Variants in SP100 observed in about 807,000 individuals in gnomAD.
The protein encoded by SP100 is SP100 nuclear body protein, also known as nuclear autoantigen Sp-100.
A neutral mutation model predicts 130.0 loss-of-function variants in SP100; 84 were observed. The ratio of observed to expected loss-of-function variants is 0.65; its 90% confidence interval spans 0.54 to 0.77. SP100 has a LOEUF of 0.77. Ranked by LOEUF, SP100 falls within the 30% of genes least tolerant of loss-of-function variation. The probability of loss-of-function intolerance (pLI) is 0.00; values close to 1 mark genes in which losing one functional copy is unlikely to be tolerated. For missense variants in SP100, 978 were observed against 1,052.2 expected, an observed-to-expected ratio of 0.93 and a Z score of 0.97; for synonymous variants, 331 against 351.7, an observed-to-expected ratio of 0.94 and a Z score of 0.66.
chr2:230,510,989 A>C, intron 23 of SP100, 136 bp from the exon 24 acceptor site: 1 of 705,542 alleles, frequency 1.4e-6, no homozygotes, highest in South Asian at 1.6e-5. Context: ...TTAGATGTAC[A>C]GGTCCATAAA....
At chr2:230,515,641 G>A (rs775934246) in intron 24 of SP100, 5 of 1,598,394 alleles carry the variant, frequency 3.1e-6, no homozygotes, top group Non-Finnish European at 4.2e-6. Context: ...TGATAAATAA[G>A]TTGCTTCTAG....
intron 2 of SP100, among the ~76,000 whole-genome samples, chr2:230,442,272 A>G (rs1193843120): frequency 6.6e-6 from 1 of 152,228 alleles, no homozygotes; most frequent in Non-Finnish European, 1.5e-5. Context: ...GGAAACGGCA[A>G]CAATTTCTGA....
Position 230,545,470 on chromosome 2 carries a change from T to C in SP100, c.*2524T>C, listed in dbSNP as rs558848905. Among the ~76,000 whole-genome samples the C allele has an allele frequency of 3.3e-5, 5 of 152,128 alleles. No homozygotes were observed. Among genetic ancestry groups the C allele is most frequent in the African/African-American group, 4.8e-5 (2 of 41,412 alleles). On this transcript the variant is annotated 3_prime_UTR_variant, in exon 29 of 29. Coordinates refer to ENST00000340126, the MANE Select transcript of SP100 (RefSeq NM_001080391.2). ...GGGAGAGGAGCAGAAAAAGTACCTA[T>C]TGGTGATGAAGTACTCTGTACAACA...
chr2:230,532,925 C>T (rs1019003520), intron 24 of SP100, among the ~76,000 whole-genome samples: 4 of 152,116 alleles, frequency 2.6e-5, no homozygotes, highest in South Asian at 4.1e-4. Flanking sequence ...GGATTACAGG[C>T]GCCCACCACC....
chr2:230,478,409 A>G (rs1401865495), intron 17 of SP100, among the ~76,000 whole-genome samples: 1 of 152,212 alleles, frequency 6.6e-6, no homozygotes, highest in Non-Finnish European at 1.5e-5. Flanking sequence ...TTGTGGGATT[A>G]TTACAAGACC....
intron 2 of SP100, among the ~76,000 whole-genome samples, chr2:230,437,963 G>C (rs977519072): frequency 1.3e-5 from 2 of 152,092 alleles, no homozygotes; most frequent in Non-Finnish European, 2.9e-5. Context: ...CAAAAAACAG[G>C]GGTGAATTGT....
intron 17 of SP100, among the ~76,000 whole-genome samples, chr2:230,483,870 C>G (rs1402174127): frequency 6.6e-6 from 1 of 152,106 alleles, no homozygotes; most frequent in Non-Finnish European, 1.5e-5. Flanking sequence ...TTTTCGAAGC[C>G]TCTGGTCATA....
chr2:230,496,700 C>T (rs757953757), intron 18 of SP100, among the ~76,000 whole-genome samples: 1 of 152,152 alleles, frequency 6.6e-6, no homozygotes, highest in African/African-American at 2.4e-5. Context: ...ACCTCTCAAC[C>T]AAAGTTCCCC....
intron 8 of SP100, 63 bp downstream of exon 8, chr2:230,450,318 G>A: frequency 1.7e-6 from 2 of 1,167,476 alleles, no homozygotes; most frequent in Non-Finnish European, 2.5e-6. Context: ...ACATTTGGTT[G>A]GTTGGTTGGT....
Position 230,461,316 on chromosome 2 carries a change from G to A in SP100, c.875G>A (p.Arg292Gln), listed in dbSNP as rs116484154. The A allele has an allele frequency of 5.5e-3, 8,816 of 1,614,036 alleles. 41 individuals are homozygous for A. Among genetic ancestry groups the A allele is most frequent in the Non-Finnish European group, 6.4e-3 (7,560 of 1,179,926 alleles). Reference sequence around the variant, plus strand: ...ATCCAAATTAATTCCTGTTCTGTGCGACTGGTGGATATAAAAAAGGAAAAG... The same window carrying A: ...ATCCAAATTAATTCCTGTTCTGTGCAACTGGTGGATATAAAAAAGGAAAAG... ...HGIQINSCSV[R>Q]LVDIKKEKPF... The change falls in exon 9 of 29, where the codon CGA becomes CAA. Residue 292 changes from arginine (R) to glutamine (Q), a missense_variant. Physicochemically the swap from Arg to Gln is conservative, Grantham distance 43. Transcript: ENST00000340126.
rs1264798360 is a variant in SP100, at chr2:230,470,333, A to G, written c.1429+235A>G. On this transcript the variant is annotated intron_variant, in intron 15 of 28. Transcript: ENST00000340126. ...GTATGTAATTATATTTTGTTGTTGT[A>G]GAAGAAATAAATAGCAAATTTGTGG... The G allele has an allele frequency of 2.6e-6, 3 of 1,176,396 alleles. No individual in the cohort carries two copies. In the East Asian group the frequency reaches 1.4e-4, roughly 53 times the overall value. 72.9% of individuals were successfully genotyped at this position (1,176,396 alleles called of 1,614,324 possible).
At chr2:230,534,911 A>C (rs984314296) in intron 24 of SP100, among the ~76,000 whole-genome samples, 4 of 152,166 alleles carry the variant, frequency 2.6e-5, no homozygotes, top group Non-Finnish European at 5.9e-5. Flanking sequence ...AGTAACATAT[A>C]ATCAGCCGGG....
intron 18 of SP100, among the ~76,000 whole-genome samples, chr2:230,497,226 T>G (rs548711371): frequency 6.6e-6 from 1 of 152,186 alleles, no homozygotes; most frequent in South Asian, 2.1e-4. Context: ...ACTAAACTAC[T>G]TGTATACCTC....
At chr2:230,512,285 T>G (rs1338211916) in intron 24 of SP100, among the ~76,000 whole-genome samples, 1 of 77,916 alleles carries the variant, frequency 1.3e-5, no homozygotes, top group Admixed American at 1.1e-4. Context: ...CCTTTTTTTT[T>G]TTTTTTTTTT....
intron 24 of SP100, among the ~76,000 whole-genome samples, chr2:230,535,694 G>A (rs983189759): frequency 6.6e-6 from 1 of 151,880 alleles, no homozygotes; most frequent in African/African-American, 2.4e-5. Flanking sequence ...GATCACTTGA[G>A]GTCAGGGGTT....
intron 17 of SP100, among the ~76,000 whole-genome samples, chr2:230,487,014 G>T (rs998415169): frequency 3.9e-5 from 6 of 152,092 alleles, no homozygotes; most frequent in Non-Finnish European, 8.8e-5. Context: ...TCCACTTTTT[G>T]ATGGTTTTGT....
chr2:230,457,879 C>T (rs141134060), intron 8 of SP100, among the ~76,000 whole-genome samples: 1 of 152,188 alleles, frequency 6.6e-6, no homozygotes, highest in Admixed American at 6.5e-5. Flanking sequence ...AAGGGCAAAA[C>T]TTCCCTTTGT....
intron 2 of SP100, chr2:230,440,429 TTTA>T (rs1376445972): frequency 4.7e-6 from 3 of 637,450 alleles, no homozygotes; most frequent in African/African-American, 1.9e-5. Flanking sequence ...TAGGAATAAA[TTTA>T]TTATTTTTTA....
chr2:230,467,324 C>A, intron 13 of SP100, 109 bp downstream of exon 13: 1 of 755,078 alleles, frequency 1.3e-6, no homozygotes, highest in Non-Finnish European at 2.3e-6. Flanking sequence ...TTCTCTGCAT[C>A]TACCTCATCT....
Sources: allele counts gnomAD v4.1 joint callset (sites outside exome capture counted in the v4.1 genomes callset), GRCh38; gene constraint gnomAD v4.1.1; transcripts MANE v1.5; gene names NCBI Gene and HGNC (gene_info 2026-07-23, HGNC 2026-07-21).